Variants in MTMR11 observed in about 807,000 individuals in gnomAD.
MTMR11 encodes the protein myotubularin related protein 11, also known as myotubularin-related protein 11.
A neutral mutation model predicts 100.0 loss-of-function variants in MTMR11; 89 were observed. The observed-to-expected ratio is 0.89, with a 90% CI of 0.75 to 1.06. MTMR11 has a LOEUF of 1.06. Among genes scored for constraint, MTMR11 ranks in the 50% least tolerant of loss-of-function variants. MTMR11 has a pLI of 0.00. For missense variants in MTMR11, 809 were observed against 873.7 expected (o/e 0.93, Z 0.93); for synonymous variants, 336 against 326.3 (o/e 1.03, Z -0.32).
intron 13 of MTMR11, 136 bp downstream of exon 13, chr1:149,931,124 T>G (rs2092654899): frequency 7.3e-7 from 1 of 1,375,184 alleles, no homozygotes; most frequent in Non-Finnish European, 9.8e-7. Flanking sequence ...AAGGCCTCAC[T>G]CATCAGGATC....
chr1:149,930,364 C>T lies in MTMR11; in HGVS notation c.1647+1G>A. 6.2e-7 allele frequency: 1 copy of T among 1,612,200 alleles called. No homozygotes were observed. Among genetic ancestry groups the T allele is most frequent in the Non-Finnish European group, 8.5e-7 (1 of 1,178,630 alleles). The stretch of plus-strand genomic sequence containing the variant: ...GAATTTAGGAAGTTTAGACACTTCA[C>T]CTGTGGTCTAGGGAGCCAGGAATCT... On this transcript the variant is annotated splice_donor_variant, in intron 15 of 16. Coordinates refer to ENST00000439741, the MANE Select transcript of MTMR11 (RefSeq NM_001145862.2). LOFTEE classifies it high-confidence loss of function.
rs782122215 is a variant in MTMR11, at chr1:149,932,335, T to C, written c.986-5A>G. On this transcript the variant is annotated splice_polypyrimidine_tract_variant and splice_region_variant and intron_variant, in intron 10 of 16. Coordinates refer to ENST00000439741, the MANE Select transcript of MTMR11 (RefSeq NM_001145862.2). ...TATCCTCAGCTACAGATGAATCTGATAGAGGGTAGAAAGATCAGAAGGGCA... is the reference window on the plus strand; with the variant it reads ...TATCCTCAGCTACAGATGAATCTGACAGAGGGTAGAAAGATCAGAAGGGCA... 25 of 1,611,546 alleles carry C rather than the reference T, an allele frequency of 1.6e-5. No individual in the cohort carries two copies. In the Admixed American group the frequency reaches 3.5e-4, roughly 23 times the overall value.
chr1:149,930,140 AAGATGAGTAAAC>A, intron 15 of MTMR11: 1 of 673,150 alleles, frequency 1.5e-6, no homozygotes. Context: ...ACGAGACAGG[AAGATGAGTAAAC>A]AGACTTGAGG....
Position 149,936,616 on chromosome 1 carries a change from T to C in MTMR11, c.32A>G (p.Asn11Ser). The change falls in exon 1 of 17, where the codon AAC becomes AGC. Residue 11 changes from asparagine to serine, a missense_variant. By Grantham distance (46) the Asn-to-Ser change is conservative (BLOSUM62 1). Coordinates refer to ENST00000439741, the MANE Select transcript of MTMR11 (RefSeq NM_001145862.2). ...TGGCTCCTCCTTCTGGGGGGCAATG[T>C]TGAAACTCTGGCCCCGGCCCCCCCA... MWWGGRGQSF[N>S]IAPQKEEPEM... 1 of 1,544,584 alleles carries C rather than the reference T, an allele frequency of 6.5e-7. No homozygotes were observed. The highest frequency in any genetic ancestry group is 1.2e-5 in the South Asian group (1 of 83,864).
At chr1:149,929,497 A>G (rs1553766879) in intron 16 of MTMR11, 126 bp downstream of exon 16, 2 of 1,291,258 alleles carry the variant, frequency 1.5e-6, no homozygotes, top group African/African-American at 3.0e-5. Context: ...GTTTGATGCC[A>G]AGAGGAGTAG....
Position 149,931,414 on chromosome 1 carries a change from C to T in MTMR11, c.1136G>A (p.Arg379His), listed in dbSNP as rs989517022. The T allele has an allele frequency of 8.7e-6, 14 of 1,602,928 alleles. No homozygotes were observed. The Admixed American group carries it at 1.0e-4, about 12-fold the overall frequency. The change falls in exon 13 of 17, where the codon CGT becomes CAT. Residue 379 changes from arginine to histidine, a missense_variant. Arg to His is a conservative substitution (Grantham distance 29). Transcript: ENST00000439741. The part of the protein sequence containing the change: ...RSVILQERGD[R>H]DLNGLLSSLV... The stretch of plus-strand genomic sequence containing the variant: ...TGAAGAGAGGAGGCCATTGAGATCA[C>T]GATCACCGCGCTCTGGGTGATAAAG...
rs782786885 is a variant in MTMR11, at chr1:149,929,301, G to A, written c.1958C>T (p.Pro653Leu). 26 of 1,613,942 alleles carry A rather than the reference G, an allele frequency of 1.6e-5. No individual in the cohort carries two copies. The highest frequency in any genetic ancestry group is 2.2e-5 in the East Asian group (1 of 44,892). ...RPEVQMGLSAPTISGLQDELS... is the reference protein window; with the variant it reads ...RPEVQMGLSALTISGLQDELS... ...CTCATCCTGGAGGCCAGAGATTGTGGGAGCTGAGAGGCCCATCTGGGGAGG... is the reference window on the plus strand; with the variant it reads ...CTCATCCTGGAGGCCAGAGATTGTGAGAGCTGAGAGGCCCATCTGGGGAGG... The change falls in exon 17 of 17, where the codon CCC (proline) becomes CTC (leucine). Residue 653 changes from proline (P) to leucine (L), a missense_variant. By Grantham distance (98) the Pro-to-Leu change is moderately conservative (BLOSUM62 -3). Transcript: ENST00000439741.
chr1:149,930,819 G>A lies in MTMR11; in HGVS notation c.1437C>T (p.Pro479=), dbSNP rs777054421. 81 of 1,591,274 alleles carry A rather than the reference G, an allele frequency of 5.1e-5. No homozygotes were observed. The highest frequency in any genetic ancestry group is 6.7e-5 in the Non-Finnish European group (78 of 1,172,342). ...PDTLTFLRNT[P]WERGKQSGQL... is the part of the protein sequence containing the mutation. ...GTCCGCTCTGCTTTCCGCGCTCCCA[G>A]GGGGTATTTCTCAGGAAGGTAAGGG... The change falls in exon 14 of 17, where the codon CCC becomes CCT. Residue 479 remains proline (P), a synonymous_variant. Transcript: ENST00000439741.
chr1:149,929,335 A>AG lies in MTMR11; in HGVS notation c.1942-19dup, dbSNP rs782732647. 34 of 1,600,224 alleles carry AG rather than the reference A, an allele frequency of 2.1e-5. No homozygotes were observed. The highest frequency in any genetic ancestry group is 2.8e-5 in the Non-Finnish European group (33 of 1,167,996). The stretch of plus-strand genomic sequence containing the variant: ...AGGCCCATCTGGGGAGGAGGCAAAG[A>AG]GGAACAGAGAAGAATACTGTTGTAG... On this transcript the variant is annotated intron_variant, in intron 16 of 16. Coordinates refer to ENST00000439741, the MANE Select transcript of MTMR11 (RefSeq NM_001145862.2).
chr1:149,929,994 GTC>G, intron 15 of MTMR11, 78 bp from the exon 16 acceptor site: 2 of 1,436,716 alleles, frequency 1.4e-6, no homozygotes, highest in Non-Finnish European at 1.9e-6. Context: ...AGGACAGGGT[GTC>G]CTGCTGCCAC....
Position 149,935,003 on chromosome 1 carries a change from C to T in MTMR11, c.451G>A (p.Glu151Lys). The T allele has an allele frequency of 1.2e-6, 2 of 1,613,926 alleles. No individual in the cohort carries two copies. Among genetic ancestry groups the T allele is most frequent in the Non-Finnish European group, 1.7e-6 (2 of 1,180,024 alleles). The stretch of plus-strand genomic sequence containing the variant: ...CCTCTTACCTGAAAAGCCTGAGGCT[C>T]TAGGCCTCCAGCCTCAAAACCAACT... ...LRVGFEAGGL[E>K]PQAFQVTMAI... Residue 151 changes from glutamate to lysine, a missense_variant, in exon 5 of 17, where the codon GAG (glutamate) becomes AAG (lysine). Glu to Lys is a moderately conservative substitution (Grantham distance 56, BLOSUM62 1). Coordinates refer to ENST00000439741, the MANE Select transcript of MTMR11 (RefSeq NM_001145862.2).
At chr1:149,931,643 A>T (rs2092662389) in intron 12 of MTMR11, 2 of 585,436 alleles carry the variant, frequency 3.4e-6, no homozygotes, top group South Asian at 2.2e-5. Context: ...CCAGTTTCAC[A>T]TGTAAGGGGC....
In MTMR11 at chr1:149,930,553, C is replaced by T. The variant is rs1559803777; in HGVS notation, c.1465-6G>A. 1.9e-6 allele frequency: 3 copies of T among 1,602,306 alleles called. No homozygotes were observed. Among genetic ancestry groups the T allele is most frequent in the Non-Finnish European group, 2.6e-6 (3 of 1,173,234 alleles). ...ACTTGTGTATAGGAGTTTAACTGGA[C>T]AGAGGAAGCAAGAAAAAGGATGGTT... On this transcript the variant is annotated splice_region_variant and splice_polypyrimidine_tract_variant and intron_variant, in intron 14 of 16. Coordinates refer to ENST00000439741, the MANE Select transcript of MTMR11 (RefSeq NM_001145862.2).
rs587656736 is a variant in MTMR11 at position 149,936,276 on chromosome 1, C to A, written c.67-47G>T. 3.1e-6 allele frequency: 5 copies of A among 1,610,772 alleles called. No individual in the cohort carries two copies. The South Asian group carries it at 5.5e-5, about 18-fold the overall frequency. ...GGGGTCTAGAGTTAACCCCTAGGCTCCCCAACTCCCCAGAGGCAGCTGCCT... is the reference window on the plus strand; with the variant it reads ...GGGGTCTAGAGTTAACCCCTAGGCTACCCAACTCCCCAGAGGCAGCTGCCT... On this transcript the variant is annotated intron_variant, in intron 1 of 16. Transcript: ENST00000439741.
At chr1:149,936,481 CCCT>C (rs1246821756) in intron 1 of MTMR11, 98 bp downstream of exon 1, 861 of 1,193,296 alleles carry the variant, frequency 7.2e-4, no homozygotes, top group Non-Finnish European at 8.3e-4. Context: ...GACAGACACA[CCCT>C]CCTCCTCCTC....
Position 149,933,881 on chromosome 1 carries a change from C to A in MTMR11, c.745G>T (p.Gly249Cys). 1 of 1,614,222 alleles carries A rather than the reference C, an allele frequency of 6.2e-7. No individual in the cohort carries two copies. Among genetic ancestry groups the A allele is most frequent in the Middle Eastern group, 1.7e-4 (1 of 6,060 alleles). ...GGTCCACGGCCCTGATGAAAGTGGC[C>A]AAATGCTCTCCTGACCTCACTGTCC... ...ILDSEVRRAF[G>C]HFHQGRGPRL... Residue 249 changes from glycine to cysteine, a missense_variant, in exon 8 of 17, where the codon GGC (glycine) becomes TGC (cysteine). Gly to Cys is a radical substitution (Grantham distance 159). Coordinates refer to ENST00000439741, the MANE Select transcript of MTMR11 (RefSeq NM_001145862.2).
chr1:149,931,798 C>A (rs782408523), intron 12 of MTMR11, 146 bp downstream of exon 12: 35 of 694,094 alleles, frequency 5.0e-5, no homozygotes, highest in Non-Finnish European at 8.3e-5. Context: ...GCAGAGGTAG[C>A]ACTGAAGGAT....
At position 149,932,288 on chromosome 1, in the gene MTMR11, C is replaced by A; in HGVS notation, c.1028G>T (p.Gly343Val). ...CCTGACATAGTCCAGCCATCGTGTT[C>A]CTTCCAGGGCTGAAAGCCATTTATC... is the stretch of plus-strand genomic sequence containing the variant. ...AEDKWLSALE[G>V]TRWLDYVRAC... Residue 343 changes from glycine to valine, a missense_variant, in exon 11 of 17, where the codon GGA (glycine) becomes GTA (valine). Physicochemically the swap from Gly to Val is moderately radical, Grantham distance 109 (BLOSUM62 -3). Transcript: ENST00000439741. 1 of 1,614,066 alleles carries A rather than the reference C, an allele frequency of 6.2e-7. No homozygotes were observed. The highest frequency in any genetic ancestry group is 1.1e-5 in the South Asian group (1 of 91,072).
At position 149,934,213 on chromosome 1, in the gene MTMR11, C is replaced by G; in HGVS notation, c.661G>C (p.Glu221Gln). 1 of 1,614,120 alleles carries G rather than the reference C, an allele frequency of 6.2e-7. No individual in the cohort carries two copies. Among genetic ancestry groups the G allele is most frequent in the South Asian group, 1.1e-5 (1 of 91,078 alleles). The change falls in exon 7 of 17, where the codon GAG (glutamate) becomes CAG (glutamine). Residue 221 changes from glutamate to glutamine, a missense_variant. Glu to Gln is a conservative substitution (Grantham distance 29). Coordinates refer to ENST00000439741, the MANE Select transcript of MTMR11 (RefSeq NM_001145862.2). ...CACCTGGTGGCTACGTCGAACCTCT[C>G]GTTGACCGTGCTGACCCTCCAGCCT... ...ARGWRVSTVN[E>Q]RFDVATSLPR...
Sources: allele counts gnomAD v4.1 joint callset, GRCh38; gene constraint gnomAD v4.1.1; transcripts MANE v1.5; gene names NCBI Gene and HGNC (gene_info 2026-07-23, HGNC 2026-07-21).